NBEA: variants seen among roughly 807,000 people sequenced by gnomAD.
NBEA encodes the protein neurobeachin.
NBEA carries 44 observed loss-of-function variants against 343.4 expected under a neutral mutation model. The observed-to-expected ratio is 0.13, with a 90% CI of 0.10 to 0.16. The LOEUF (loss-of-function observed/expected upper bound fraction) is 0.16. Among genes scored for constraint, NBEA ranks in the 10% least tolerant of loss-of-function variants. NBEA has a pLI of 1.00. For missense variants in NBEA, 2,555 were observed against 3,631.3 expected (o/e 0.70, Z 7.62); for synonymous variants, 1,175 against 1,238.7 (o/e 0.95, Z 1.08).
chr13:35,668,634 G>C (rs1294519461), intron 58 of NBEA, 115 bp downstream of exon 58: 1 of 1,077,800 alleles, frequency 9.3e-7, no homozygotes, highest in Non-Finnish European at 1.3e-6. Flanking sequence ...ATGAAAGAAA[G>C]ACTGGCAAAG....
intron 45 of NBEA, among the ~76,000 whole-genome samples, chr13:35,568,483 A>G (rs2080238511): frequency 6.6e-6 from 1 of 152,186 alleles, no homozygotes; most frequent in Non-Finnish European, 1.5e-5. Context: ...AAGATAAGGT[A>G]GATAGAAGCA....
Position 35,654,949 on chromosome 13 carries a change from T to C in NBEA, c.8130T>C (p.Asn2710=). 1 of 1,585,646 alleles carries C rather than the reference T, an allele frequency of 6.3e-7. No individual in the cohort carries two copies. Among genetic ancestry groups the C allele is most frequent in the Non-Finnish European group, 8.5e-7 (1 of 1,170,102 alleles). The change falls in exon 54 of 59, where the codon AAT becomes AAC. Residue 2710 remains asparagine, a synonymous_variant. Transcript: ENST00000379939. ...NAHCFVVTAD[N]RYILICGFWD... is the part of the protein sequence containing the mutation. ...ATTGTTTTGTGGTAACAGCAGATAA[T>C]CGCTATATTCTTATCTGTGGATTCT...
intron 38 of NBEA, among the ~76,000 whole-genome samples, chr13:35,368,888 T>G (rs1255523814): frequency 6.6e-6 from 1 of 151,622 alleles, no homozygotes; most frequent in African/African-American, 2.4e-5. Context: ...CTCAGTTCAG[T>G]ATATTTTTTT....
intron 11 of NBEA, among the ~76,000 whole-genome samples, chr13:35,102,905 A>C (rs2065719498): frequency 6.6e-6 from 1 of 151,618 alleles, no homozygotes. Context: ...GTGCCAGTAC[A>C]GTGTTGGGAT....
intron 46 of NBEA, chr13:35,593,105 A>C: frequency 4.9e-6 from 2 of 412,170 alleles, no homozygotes; most frequent in Non-Finnish European, 8.7e-6. Flanking sequence ...AGATGAGAAG[A>C]CCAGAAGCAA....
chr13:35,638,901 AAC>A (rs1434195220), intron 49 of NBEA, among the ~76,000 whole-genome samples: 1 of 152,212 alleles, frequency 6.6e-6, no homozygotes, highest in Non-Finnish European at 1.5e-5. Flanking sequence ...ATTATAATTC[AAC>A]ATGCCAAGGA....
At chr13:35,387,290 G>C (rs2042286356) in intron 38 of NBEA, among the ~76,000 whole-genome samples, 1 of 152,058 alleles carries the variant, frequency 6.6e-6, no homozygotes, top group Admixed American at 6.6e-5. Flanking sequence ...GAAGGTCAGA[G>C]CCTCAACTGG....
Position 35,319,215 on chromosome 13 carries a change from G to A in NBEA, c.5903+9623G>A, listed in dbSNP as rs561641468. On this transcript the variant is annotated intron_variant, in intron 36 of 58. Coordinates refer to ENST00000379939, the MANE Select transcript of NBEA (RefSeq NM_001385012.1). Reference sequence around the variant, plus strand: ...AGGGCATTGATTTTAGATCTTTCCCGCTTTCCATTGTGGGCATTTAGTGCT... The same window carrying A: ...AGGGCATTGATTTTAGATCTTTCCCACTTTCCATTGTGGGCATTTAGTGCT... Among the ~76,000 whole-genome samples the A allele has an allele frequency of 2.0e-3, 297 of 152,180 alleles. 1 individual carries two copies. Among genetic ancestry groups the A allele is most frequent in the Non-Finnish European group, 2.5e-3 (171 of 68,006 alleles).
intron 34 of NBEA, among the ~76,000 whole-genome samples, chr13:35,287,028 T>C (rs1470981455): frequency 1.3e-5 from 2 of 152,038 alleles, no homozygotes; most frequent in African/African-American, 4.8e-5. Context: ...CTTTCAACAA[T>C]ATAGTTCATA....
At chr13:35,365,152 G>A (rs2041027716) in intron 38 of NBEA, among the ~76,000 whole-genome samples, 1 of 151,666 alleles carries the variant, frequency 6.6e-6, no homozygotes, top group African/African-American at 2.4e-5. Context: ...TCTAAAATAT[G>A]TAGATTTTTA....
intron 38 of NBEA, among the ~76,000 whole-genome samples, chr13:35,426,132 AT>A (rs1200758214): frequency 6.6e-6 from 1 of 152,198 alleles, no homozygotes. Context: ...TAATTGGAGC[AT>A]TTAGCCCATT....
chr13:35,251,578 G>A, intron 34 of NBEA: 1 of 1,209,514 alleles, frequency 8.3e-7, no homozygotes, highest in Non-Finnish European at 1.1e-6. Flanking sequence ...GGCGTTCACA[G>A]AAGCAGTGGA....
At chr13:35,210,040 C>T (rs879363018) in intron 32 of NBEA, among the ~76,000 whole-genome samples, 12 of 151,830 alleles carry the variant, frequency 7.9e-5, no homozygotes, top group Non-Finnish European at 1.8e-4. Flanking sequence ...AAAGTATATA[C>T]GTTAAAAGTG....
chr13:35,485,674 C>T (rs1028858002), intron 41 of NBEA, among the ~76,000 whole-genome samples: 1 of 152,040 alleles, frequency 6.6e-6, no homozygotes, highest in Non-Finnish European at 1.5e-5. Flanking sequence ...TGACAAATGC[C>T]CCTCTCTATG....
chr13:35,289,872 T>C (rs934214785), intron 34 of NBEA, among the ~76,000 whole-genome samples: 1 of 150,198 alleles, frequency 6.7e-6, no homozygotes, highest in Non-Finnish European at 1.5e-5. Flanking sequence ...TAATCATACA[T>C]TTTTTATTAT....
chr13:35,363,364 C>A (rs2152876366), intron 38 of NBEA, among the ~76,000 whole-genome samples: 1 of 151,918 alleles, frequency 6.6e-6, no homozygotes, highest in African/African-American at 2.4e-5. Context: ...AGCTGTGGTA[C>A]CTAGGGCATG....
intron 47 of NBEA, among the ~76,000 whole-genome samples, chr13:35,598,632 C>G (rs1566385892): frequency 6.6e-6 from 1 of 152,180 alleles, no homozygotes; most frequent in Non-Finnish European, 1.5e-5. Context: ...ACAGGATTCT[C>G]TCTTTCAAGC....
intron 1 of NBEA, among the ~76,000 whole-genome samples, chr13:34,944,842 C>G (rs891888312): frequency 6.6e-6 from 1 of 152,108 alleles, no homozygotes; most frequent in African/African-American, 2.4e-5. Context: ...TACATTTTAA[C>G]CTGGTAAGAG....
At chr13:35,483,827 T>G (rs1166170315) in intron 41 of NBEA, among the ~76,000 whole-genome samples, 1 of 152,040 alleles carries the variant, frequency 6.6e-6, no homozygotes, top group Non-Finnish European at 1.5e-5. Flanking sequence ...CTTTTTATGG[T>G]TTGCAAAATA....
Sources: allele counts gnomAD v4.1 joint callset (sites outside exome capture counted in the v4.1 genomes callset), GRCh38; gene constraint gnomAD v4.1.1; transcripts MANE v1.5; gene names NCBI Gene and HGNC (gene_info 2026-07-23, HGNC 2026-07-21).